The following DGKG variants were observed in gnomAD, a reference collection of about 807,000 sequenced individuals.
The protein encoded by DGKG is DAG kinase gamma.
A neutral mutation model predicts 105.3 loss-of-function variants in DGKG; 78 were observed. The ratio of observed to expected loss-of-function variants is 0.74; its 90% CI spans 0.62 to 0.89. The LOEUF is 0.89. Among genes scored for constraint, DGKG ranks in the 40% least tolerant of loss-of-function variants. The pLI is 0.00. For synonymous variants in DGKG, 346 were observed against 367.1 expected (o/e 0.94, Z 0.66); for missense variants, 958 against 1,020.1 (o/e 0.94, Z 0.83).
Position 186,275,592 on chromosome 3 carries a change from G to A in DGKG, c.865C>T (p.His289Tyr), listed in dbSNP as rs768984341. The A allele has an allele frequency of 6.4e-5, 104 of 1,614,226 alleles. No individual in the cohort carries two copies. Among genetic ancestry groups the A allele is most frequent in the Middle Eastern group, 1.7e-4 (1 of 6,058 alleles). The stretch of plus-strand genomic sequence containing the variant: ...TTGCGGACGCCCATGAGCATGATAT[G>A]GCAGAAGTTGCAGTAGGTTGGTTTC... ...FKKPTYCNFCHIMLMGVRKQG... is the reference protein window; with the variant it reads ...FKKPTYCNFCYIMLMGVRKQG... Residue 289 changes from histidine (H) to tyrosine (Y), a missense_variant, in exon 10 of 25, where the codon CAT becomes TAT. Around this residue, in one of 2 missense-constraint regions of DGKG, gnomAD observed 643 missense variants for 619.5 expected, o/e 1.04. Transcript: ENST00000265022.
chr3:186,188,438 T>G lies in DGKG; in HGVS notation c.1918-59A>C, dbSNP rs1303388374. On this transcript the variant is annotated intron_variant, in intron 21 of 24. Transcript: ENST00000265022. ...GTCCTCAGTGTGTCACAACCCAAGG[T>G]GCTCTGTGTGTGTGCGTGCGTGTGT... The G allele has an allele frequency of 3.9e-6, 6 of 1,557,672 alleles. No individual in the cohort carries two copies. In the African/African-American group the frequency reaches 8.2e-5, roughly 21 times the overall value.
chr3:186,267,895 C>A, intron 12 of DGKG, 118 bp from the exon 13 acceptor site: 3 of 868,758 alleles, frequency 3.5e-6, no homozygotes, highest in Non-Finnish European at 5.7e-6. Flanking sequence ...TCCTGATGCA[C>A]TGCTGGCTTT....
chr3:186,193,536 C>G (rs1276877721), intron 21 of DGKG, among the ~76,000 whole-genome samples: 2 of 152,258 alleles, frequency 1.3e-5, no homozygotes, highest in African/African-American at 4.8e-5. Flanking sequence ...CCGACCCAGG[C>G]TGGTAAGAGC....
intron 22 of DGKG, among the ~76,000 whole-genome samples, chr3:186,166,957 T>C (rs1276897451): frequency 1.3e-5 from 2 of 152,214 alleles, no homozygotes; most frequent in African/African-American, 4.8e-5. Flanking sequence ...TAGACTCAAG[T>C]GTTTCAGCTT....
At chr3:186,292,940 G>A (rs1370949718) in intron 5 of DGKG, among the ~76,000 whole-genome samples, 1 of 152,092 alleles carries the variant, frequency 6.6e-6, no homozygotes, top group Non-Finnish European at 1.5e-5. Flanking sequence ...GTAAAATTAT[G>A]GATGATTTTA....
Position 186,161,657 on chromosome 3 carries a change from G to T in DGKG, c.2223C>A (p.Asn741Lys), listed in dbSNP as rs747040955. 22 of 1,614,106 alleles carry T rather than the reference G, an allele frequency of 1.4e-5. No homozygotes were observed. The East Asian group carries it at 4.2e-4, about 31-fold the overall frequency. ...CATCCACTTGCATTGGCAGCAGCTTGTTTGTCCTGGAACCCAGAACACCAA... is the reference window on the plus strand; with the variant it reads ...CATCCACTTGCATTGGCAGCAGCTTTTTTGTCCTGGAACCCAGAACACCAA... ...AQCASVTIRT[N>K]KLLPMQVDGE... The change falls in exon 24 of 25, where the codon AAC becomes AAA. Residue 741 changes from asparagine (N) to lysine (K), a missense_variant. Around this residue, in one of 2 missense-constraint regions of DGKG, gnomAD observed 315 missense variants for 400.6 expected, o/e 0.79. Coordinates refer to ENST00000265022, the MANE Select transcript of DGKG (RefSeq NM_001346.3).
At chr3:186,303,899 G>A (rs575083869) in intron 3 of DGKG, among the ~76,000 whole-genome samples, 7 of 152,320 alleles carry the variant, frequency 4.6e-5, no homozygotes, top group African/African-American at 1.7e-4. Flanking sequence ...GCAGCAGTAA[G>A]CCATCAAACT....
intron 21 of DGKG, among the ~76,000 whole-genome samples, chr3:186,208,983 A>G (rs1320100872): frequency 6.6e-6 from 1 of 151,424 alleles, no homozygotes; most frequent in Admixed American, 6.6e-5. Flanking sequence ...ATGTGATAAT[A>G]GTTGCCTTGC....
At chr3:186,215,281 G>T (rs1454310669) in intron 20 of DGKG, among the ~76,000 whole-genome samples, 1 of 151,960 alleles carries the variant, frequency 6.6e-6, no homozygotes, top group Non-Finnish European at 1.5e-5. Context: ...TATGGTGGCG[G>T]GCACTGGTAA....
chr3:186,275,992 CTATTATCTATCATCT>C (rs1722571285), intron 9 of DGKG, among the ~76,000 whole-genome samples: 1 of 142,164 alleles, frequency 7.0e-6, no homozygotes, highest in African/African-American at 2.6e-5. Flanking sequence ...ATCTATCTAT[CTATTATCTATCATCT>C]ATCTATCTAT....
intron 12 of DGKG, 24 bp from the exon 13 acceptor site, chr3:186,267,801 A>G (rs771820260): frequency 6.3e-7 from 1 of 1,597,998 alleles, no homozygotes; most frequent in Non-Finnish European, 8.6e-7. Context: ...TGAAAAAGAG[A>G]GTGAGTGAAA....
At chr3:186,160,780 A>G in intron 24 of DGKG, 1 of 985,458 alleles carries the variant, frequency 1.0e-6, no homozygotes, top group Non-Finnish European at 1.2e-6. Flanking sequence ...AACCAGGACG[A>G]CGATTGCTCT....
chr3:186,223,594 A>C (rs887273101), intron 20 of DGKG, among the ~76,000 whole-genome samples: 7 of 151,922 alleles, frequency 4.6e-5, no homozygotes, highest in Non-Finnish European at 7.4e-5. Context: ...TCCCTATTCC[A>C]TCTTCTTCCT....
At chr3:186,290,396 G>T (rs1328163147) in intron 5 of DGKG, among the ~76,000 whole-genome samples, 1 of 152,170 alleles carries the variant, frequency 6.6e-6, no homozygotes, top group Admixed American at 6.5e-5. Flanking sequence ...CAAAGTTATT[G>T]CTAGGTCCTC....
chr3:186,304,366 C>T (rs1166002019), intron 3 of DGKG, among the ~76,000 whole-genome samples: 2 of 152,220 alleles, frequency 1.3e-5, no homozygotes, highest in African/African-American at 4.8e-5. Context: ...TTCTGGCAAC[C>T]TTCTTCCTGC....
chr3:186,154,166 A>G (rs1383990049), intron 24 of DGKG, among the ~76,000 whole-genome samples: 2 of 152,216 alleles, frequency 1.3e-5, no homozygotes, highest in Non-Finnish European at 2.9e-5. Context: ...GATGCATAGA[A>G]AGGCACAAAT....
intron 20 of DGKG, 101 bp downstream of exon 20, chr3:186,242,403 A>G (rs6799929): frequency 0.92 from 887,052 of 963,528 alleles, 409,905 homozygotes; most frequent in East Asian, 1. Context: ...CCAAGTCCCC[A>G]GCGGCCCTGG....
chr3:186,249,282 A>G (rs1721093063), intron 19 of DGKG, among the ~76,000 whole-genome samples: 1 of 151,804 alleles, frequency 6.6e-6, no homozygotes, highest in Admixed American at 6.6e-5. Flanking sequence ...TACCACCTCC[A>G]CCCTCTCAGA....
Position 186,210,253 on chromosome 3 carries a change from G to A in DGKG, c.1917+1542C>T, listed in dbSNP as rs1276596902. Among the ~76,000 whole-genome samples, 1 of 152,166 alleles carries A rather than the reference G, an allele frequency of 6.6e-6. No homozygotes were observed. Among genetic ancestry groups the A allele is most frequent in the African/African-American group, 2.4e-5 (1 of 41,436 alleles). On this transcript the variant is annotated intron_variant, in intron 21 of 24. Coordinates refer to ENST00000265022, the MANE Select transcript of DGKG (RefSeq NM_001346.3). This position sits in a 1 kb window ranked among gnomAD's most constrained non-coding sequence, Gnocchi z 5.2. ...TAGGCCAGGGCTGTCCCTCACTTGT[G>A]GTATATTTAAAGAGACCTCACCAGA...
Sources: allele counts gnomAD v4.1 joint callset (sites outside exome capture counted in the v4.1 genomes callset), GRCh38; gene constraint gnomAD v4.1.1; regional missense constraint gnomAD v4.1.1; non-coding constraint Gnocchi (gnomAD v3.1); transcripts MANE v1.5; gene names NCBI Gene and HGNC (gene_info 2026-07-23, HGNC 2026-07-21).